STPG2: variants seen among roughly 807,000 people sequenced by gnomAD.
STPG2 encodes sperm tail PG-rich repeat containing 2, also known as sperm-tail PG-rich repeat-containing protein 2.
A neutral mutation model predicts 54.2 loss-of-function variants in STPG2; 56 were observed. The observed-to-expected ratio is 1.03, with a 90% CI of 0.83 to 1.29. The LOEUF is 1.29. Ranked by LOEUF, STPG2 falls within the 50% of genes most tolerant of loss-of-function variation. The pLI is 0.00. For synonymous variants in STPG2, 200 were observed against 181.8 expected (o/e 1.10, Z -0.81); for missense variants, 596 against 544.9 (o/e 1.09, Z -0.93).
chr4:97,841,601 T>C (rs1728804533), intron 8 of STPG2, among the ~76,000 whole-genome samples: 1 of 151,834 alleles, frequency 6.6e-6, no homozygotes, highest in Non-Finnish European at 1.5e-5. Context: ...TTATAACATA[T>C]TCCTTTGAAA....
chr4:98,141,435 A>G (rs1421624071), intron 1 of STPG2, among the ~76,000 whole-genome samples: 1 of 152,194 alleles, frequency 6.6e-6, no homozygotes. Flanking sequence ...CTGCTATCTG[A>G]GAGTTTCCTC....
chr4:97,556,204 A>C (rs1732074784), downstream of STPG2, among the ~76,000 whole-genome samples: 1 of 152,180 alleles, frequency 6.6e-6, no homozygotes, highest in Non-Finnish European at 1.5e-5. Context: ...TATTAGACAA[A>C]GCACTCTTCA....
chr4:97,944,646 C>A (rs1733130995), intron 7 of STPG2, among the ~76,000 whole-genome samples: 1 of 152,028 alleles, frequency 6.6e-6, no homozygotes, highest in Admixed American at 6.6e-5. Context: ...GGGTAAGAAT[C>A]TATTTTCCCA....
In STPG2 at chr4:97,850,339, A is replaced by G. The variant is rs543721355; in HGVS notation, c.1045-9407T>C. ...ATAAATAAATAAAGAAGTAGAGCAC[A>G]GTAAAAAACTAAGACAAAGAGCAAA... On this transcript the variant is annotated intron_variant, in intron 8 of 10. Transcript: ENST00000295268. Among the ~76,000 whole-genome samples the G allele has an allele frequency of 8.6e-5, 12 of 140,296 alleles. No homozygotes were observed. In the South Asian group the frequency reaches 2.8e-3, roughly 33 times the overall value. The allele number at this position is 140,296 out of a possible 152,430, so 92.0% of individuals were successfully genotyped here. A position where few individuals can be genotyped will look rare whatever the true frequency, so the allele number is the denominator to read the frequency against.
intron 5 of STPG2, among the ~76,000 whole-genome samples, chr4:98,013,749 T>C (rs368997605): frequency 2.3e-4 from 34 of 151,108 alleles, no homozygotes; most frequent in African/African-American, 8.1e-4. Context: ...TTCTAGTTTA[T>C]TTGCACAGAG....
intron 9 of STPG2, among the ~76,000 whole-genome samples, chr4:97,746,308 A>C (rs1324252611): frequency 6.6e-6 from 1 of 151,266 alleles, no homozygotes; most frequent in African/African-American, 2.4e-5. Context: ...CTTTGCTGGA[A>C]TGATATTCAT....
chr4:97,748,333 G>A (rs187030811), intron 9 of STPG2, among the ~76,000 whole-genome samples: 126 of 151,596 alleles, frequency 8.3e-4, no homozygotes, highest in African/African-American at 2.8e-3. Flanking sequence ...TAGTGAAAAG[G>A]AAATCTTATT....
At chr4:97,723,812 G>T (rs996845348) in intron 9 of STPG2, among the ~76,000 whole-genome samples, 6 of 152,184 alleles carry the variant, frequency 3.9e-5, no homozygotes, top group African/African-American at 1.4e-4. Context: ...GAAGAGGGAA[G>T]TGCCACTTTT....
rs1450726151 is a variant in STPG2 at position 97,931,222 on chromosome 4, T to C, written c.1044+12675A>G. ...CTGGCTAGGACTTCCAATACTATGCTGAATAAAAGTGGTGAGAGAAAGCTT... is the reference window on the plus strand; with the variant it reads ...CTGGCTAGGACTTCCAATACTATGCCGAATAAAAGTGGTGAGAGAAAGCTT... On this transcript the variant is annotated intron_variant, in intron 8 of 10. Coordinates refer to ENST00000295268, the MANE Select transcript of STPG2 (RefSeq NM_174952.3). 2.6e-5 allele frequency among the ~76,000 whole-genome samples: 4 copies of C among 152,230 alleles called. No homozygotes were observed. In the South Asian group the frequency reaches 8.3e-4, roughly 32 times the overall value.
intron 8 of STPG2, among the ~76,000 whole-genome samples, chr4:97,883,220 T>C (rs1730444998): frequency 6.6e-6 from 1 of 151,290 alleles, no homozygotes; most frequent in African/African-American, 2.4e-5. Context: ...CACATACATA[T>C]ATGTATATAT....
At chr4:97,533,606 AT>A (rs1193282264) in intron 4 of STPG2, among the ~76,000 whole-genome samples, 1 of 152,110 alleles carries the variant, frequency 6.6e-6, no homozygotes, top group Non-Finnish European at 1.5e-5. Flanking sequence ...GGTATAGGAA[AT>A]TTCTGATATC....
chr4:97,990,502 T>C (rs934856830), intron 5 of STPG2, among the ~76,000 whole-genome samples: 7 of 152,176 alleles, frequency 4.6e-5, no homozygotes, highest in African/African-American at 1.7e-4. Flanking sequence ...TATCAACCTA[T>C]TAAATACATA....
At chr4:97,740,114 A>G (rs1448902454) in intron 9 of STPG2, among the ~76,000 whole-genome samples, 4 of 152,212 alleles carry the variant, frequency 2.6e-5, no homozygotes, top group Admixed American at 6.5e-5. Context: ...GAAAAAAACC[A>G]CAGGATTATC....
intron 3 of STPG2, among the ~76,000 whole-genome samples, chr4:98,112,780 A>G (rs1277466543): frequency 6.6e-6 from 1 of 152,170 alleles, no homozygotes; most frequent in African/African-American, 2.4e-5. Flanking sequence ...GAATTCAGAC[A>G]TGTTTTGGAA....
At chr4:98,103,483 A>T (rs936016833) in intron 5 of STPG2, among the ~76,000 whole-genome samples, 5 of 151,784 alleles carry the variant, frequency 3.3e-5, no homozygotes, top group African/African-American at 2.4e-5. Flanking sequence ...CTCTACTAAA[A>T]ATACAAAATT....
rs1733150677 is a variant in STPG2 at position 97,945,067 on chromosome 4, T to C, written c.934-1060A>G. 2.0e-5 allele frequency among the ~76,000 whole-genome samples: 3 copies of C among 152,186 alleles called. No homozygotes were observed. In the South Asian group the frequency reaches 6.2e-4, roughly 31 times the overall value. Reference sequence around the variant, plus strand: ...AATAACTTATTTTTATAATAATTTTTATTTCGATAGCTTTTGGGGTACAAG... The same window carrying C: ...AATAACTTATTTTTATAATAATTTTCATTTCGATAGCTTTTGGGGTACAAG... On this transcript the variant is annotated intron_variant, in intron 7 of 10. Transcript: ENST00000295268.
intron 9 of STPG2, among the ~76,000 whole-genome samples, chr4:97,742,337 A>G (rs1725271701): frequency 6.6e-6 from 1 of 151,800 alleles, no homozygotes; most frequent in Non-Finnish European, 1.5e-5. Flanking sequence ...CATATTGTGC[A>G]CATGTACCCT....
intron 8 of STPG2, among the ~76,000 whole-genome samples, chr4:97,888,788 C>G (rs1264289713): frequency 6.6e-6 from 1 of 152,106 alleles, no homozygotes; most frequent in Non-Finnish European, 1.5e-5. Flanking sequence ...TTGTCCCTGC[C>G]CAAATATCAT....
At position 97,566,934 on chromosome 4, in the gene STPG2, T is replaced by A. The variant is rs535589405; in HGVS notation, c.1321-7817A>T. ...CTTTAGGAGATATACCTAATGCTAA[T>A]TGATGAGTTAATGGGCGCAGCACAC... On this transcript the variant is annotated intron_variant, in intron 10 of 10. Coordinates refer to ENST00000295268, the MANE Select transcript of STPG2 (RefSeq NM_174952.3). 3.8e-3 allele frequency among the ~76,000 whole-genome samples: 573 copies of A among 151,568 alleles called. 2 individuals carry two copies. Among genetic ancestry groups the A allele is most frequent in the South Asian group, 0.018 (86 of 4,780 alleles).
Sources: gnomAD v4.1 joint callset for allele counts (sites outside exome capture counted in the v4.1 genomes callset) on GRCh38, gnomAD v4.1.1 for gene constraint, MANE v1.5 for transcripts, NCBI Gene and HGNC (gene_info 2026-07-23, HGNC 2026-07-21) for gene names.